FBXO34: variants seen among roughly 807,000 people sequenced by gnomAD.
The protein encoded by FBXO34 is F-box only protein 34.
Under a neutral mutation model 24.5 loss-of-function variants are expected in FBXO34, and 12 were observed. The ratio of observed to expected loss-of-function variants is 0.49; its 90% CI spans 0.31 to 0.79. The LOEUF (loss-of-function observed/expected upper bound fraction) is 0.79, where lower values mean the gene tolerates loss of function less well. Among genes scored for constraint, FBXO34 ranks in the 30% least tolerant of loss-of-function variants. The probability of loss-of-function intolerance (pLI) is 0.04; values close to 1 mark genes in which losing one functional copy is unlikely to be tolerated. For missense variants in FBXO34, 823 were observed against 857.7 expected (o/e 0.96, Z 0.51); for synonymous variants, 320 against 311.9 (o/e 1.03, Z -0.27).
the FBXO34 span, among the ~76,000 whole-genome samples, chr14:55,384,160 GCTT>G: frequency 6.6e-6 from 1 of 152,142 alleles, no homozygotes; most frequent in Non-Finnish European, 1.5e-5. Flanking sequence ...AAAACCACCA[GCTT>G]CTTTTTAAAA....
chr14:55,391,017 C>T, the FBXO34 span: 1 of 1,543,166 alleles, frequency 6.5e-7, no homozygotes, highest in Non-Finnish European at 8.9e-7. Context: ...TAATAAATAT[C>T]ACAAACGTTG....
At chr14:55,368,568 G>GC (rs1884737384), downstream of FBXO34, 1 of 152,216 alleles carries the variant, frequency 6.6e-6, no homozygotes, top group Admixed American at 6.5e-5. Context: ...GAGCAGAGTA[G>GC]CATCAGCCGT....
the FBXO34 span, among the ~76,000 whole-genome samples, chr14:55,423,322 T>C: frequency 1.3e-5 from 2 of 152,386 alleles, no homozygotes; most frequent in South Asian, 4.1e-4. Context: ...CTATGTCATA[T>C]ATCCCTTTAA....
the FBXO34 span, among the ~76,000 whole-genome samples, chr14:55,422,493 C>T: frequency 6.6e-6 from 1 of 152,134 alleles, no homozygotes; most frequent in Admixed American, 6.5e-5. Flanking sequence ...TCATAATTCG[C>T]CTGCCTCGGC....
the FBXO34 span, among the ~76,000 whole-genome samples, chr14:55,393,117 C>A: frequency 5.3e-5 from 8 of 152,148 alleles, no homozygotes; most frequent in South Asian, 2.1e-4. Flanking sequence ...CGCGGTGGCT[C>A]ACGCCTGTAA....
At chr14:55,411,749 T>A in the FBXO34 span, 1,466 of 1,609,404 alleles carry the variant, frequency 9.1e-4, 1 homozygote, top group Non-Finnish European at 1.1e-3. Flanking sequence ...GTCCACCAGG[T>A]CCCGGGCGAG....
intron 1 of FBXO34, among the ~76,000 whole-genome samples, chr14:55,324,132 CT>C (rs1461742788): frequency 1.3e-5 from 2 of 151,386 alleles, no homozygotes; most frequent in African/African-American, 4.9e-5. Flanking sequence ...AACTGTTGTA[CT>C]TTCTGTCTAT....
chr14:55,287,488 A>G (rs982101765), intron 1 of FBXO34, among the ~76,000 whole-genome samples: 4 of 152,242 alleles, frequency 2.6e-5, no homozygotes, highest in African/African-American at 7.2e-5. Flanking sequence ...ATAGTGGAAT[A>G]ATAATGTGTT....
intron 1 of FBXO34, among the ~76,000 whole-genome samples, chr14:55,323,219 A>ATT (rs1566555838): frequency 3.6e-5 from 1 of 27,658 alleles, no homozygotes; most frequent in Non-Finnish European, 5.1e-5. Context: ...AAAAAAAAAA[A>ATT]TATATATTTT....
At chr14:55,411,521 G>C in the FBXO34 span, 8 of 1,373,402 alleles carry the variant, frequency 5.8e-6, no homozygotes, top group Non-Finnish European at 7.9e-6. Context: ...CCCGGACGGG[G>C]AGCCCCAGGT....
chr14:55,410,074 C>T, the FBXO34 span, among the ~76,000 whole-genome samples: 1 of 152,092 alleles, frequency 6.6e-6, no homozygotes, highest in Non-Finnish European at 1.5e-5. Context: ...TCAAGGAGAA[C>T]TGAAAGGTTT....
At chr14:55,316,581 A>AAG (rs61141487) in intron 1 of FBXO34, among the ~76,000 whole-genome samples, 1 of 141,092 alleles carries the variant, frequency 7.1e-6, no homozygotes, top group African/African-American at 2.6e-5. Context: ...AAAAAAAAAA[A>AAG]GCCTAGCACA....
the FBXO34 span, among the ~76,000 whole-genome samples, chr14:55,428,621 CA>C: frequency 6.6e-6 from 1 of 151,344 alleles, no homozygotes; most frequent in African/African-American, 2.4e-5. Flanking sequence ...ACCATGGTTT[CA>C]AAAGACTGGG....
At chr14:55,348,313 T>G (rs960810232) in intron 1 of FBXO34, among the ~76,000 whole-genome samples, 1 of 152,110 alleles carries the variant, frequency 6.6e-6, no homozygotes, top group African/African-American at 2.4e-5. Context: ...ACTGTAACCT[T>G]AAACTCTTGG....
the FBXO34 span, chr14:55,433,560 A>C: frequency 1.4e-6 from 2 of 1,441,632 alleles, no homozygotes; most frequent in Non-Finnish European, 1.9e-6. Flanking sequence ...TTAGCACATT[A>C]ATTCTATGCT....
rs563667414 is a variant in FBXO34, at chr14:55,291,146, A to G, written c.-11+19609A>G. On this transcript the variant is annotated intron_variant, in intron 1 of 1. Coordinates refer to ENST00000313833, the MANE Select transcript of FBXO34 (RefSeq NM_017943.4). Reference sequence around the variant, plus strand: ...CTGGCCTCAGATGGTGTTTTGTGGGATACATTTTTAGAAGGGGAACTACTG... The same window carrying G: ...CTGGCCTCAGATGGTGTTTTGTGGGGTACATTTTTAGAAGGGGAACTACTG... 1.3e-4 allele frequency among the ~76,000 whole-genome samples: 20 copies of G among 152,248 alleles called. No individual in the cohort carries two copies. The South Asian group carries it at 4.2e-3, about 32-fold the overall frequency.
intron 1 of FBXO34, among the ~76,000 whole-genome samples, chr14:55,335,712 T>TA (rs1883752407): frequency 6.6e-6 from 1 of 152,234 alleles, no homozygotes; most frequent in African/African-American, 2.4e-5. Flanking sequence ...ATTGATCATT[T>TA]AAAAATGCTT....
the FBXO34 span, chr14:55,382,205 G>A: frequency 3.1e-6 from 5 of 1,611,918 alleles, no homozygotes; most frequent in Non-Finnish European, 3.4e-6. Flanking sequence ...CAAGTAGGAA[G>A]ACACACACGG....
chr14:55,390,901 A>G, the FBXO34 span: 2 of 1,560,810 alleles, frequency 1.3e-6, no homozygotes, highest in South Asian at 2.3e-5. Context: ...GAAGGACACG[A>G]ATTACTTACT....
Sources: allele counts gnomAD v4.1 joint callset (sites outside exome capture counted in the v4.1 genomes callset), GRCh38; gene constraint gnomAD v4.1.1; transcripts MANE v1.5; gene names NCBI Gene and HGNC (gene_info 2026-07-23, HGNC 2026-07-21).